VSX1: variants seen among roughly 807,000 people sequenced by gnomAD.
VSX1 encodes the protein homeodomain protein RINX.
VSX1 carries 23 observed loss-of-function variants against 23.6 expected under a neutral mutation model. The ratio of observed to expected loss-of-function variants is 0.97; its 90% CI spans 0.70 to 1.38. The LOEUF is 1.38. Ranked by LOEUF, VSX1 falls within the 40% of genes most tolerant of loss-of-function variation. The probability of loss-of-function intolerance (pLI) is 0.00; values close to 1 mark genes in which losing one functional copy is unlikely to be tolerated. For synonymous variants in VSX1, 247 were observed against 215.1 expected (o/e 1.15, Z -1.30); for missense variants, 517 against 495.4 (o/e 1.04, Z -0.41).
At chr20:25,077,979 A>T in intron 3 of VSX1, 114 bp from the exon 4 acceptor site, 1 of 1,367,888 alleles carries the variant, frequency 7.3e-7, no homozygotes, top group Non-Finnish European at 1.0e-6. Flanking sequence ...GCATGATCCC[A>T]TGCTATTTCT....
downstream of VSX1, chr20:25,072,550 G>T (rs1416022094): frequency 2.1e-6 from 1 of 470,972 alleles, no homozygotes; most frequent in Non-Finnish European, 4.4e-6. Context: ...TTCTTTAAGG[G>T]TGTTTTCCCG....
At chr20:25,078,637 A>C in intron 3 of VSX1, 192 bp downstream of exon 3, 1 of 1,523,940 alleles carries the variant, frequency 6.6e-7, no homozygotes, top group Middle Eastern at 1.9e-4. Context: ...GATACTAAAT[A>C]ATAATAAAAT....
downstream of VSX1, among the ~76,000 whole-genome samples, chr20:25,073,950 G>A (rs960796701): frequency 3.9e-5 from 6 of 152,160 alleles, no homozygotes; most frequent in Non-Finnish European, 8.8e-5. Context: ...CTCTTAGGGC[G>A]ACGTTTTGCT....
At chr20:25,078,679 T>C (rs1193743783) in intron 3 of VSX1, 150 bp downstream of exon 3, 31 of 1,603,868 alleles carry the variant, frequency 1.9e-5, no homozygotes, top group Non-Finnish European at 2.5e-5. Context: ...AGGGGCAAGC[T>C]CTTGTGGTGC....
intron 2 of VSX1, 38 bp from the exon 3 acceptor site, chr20:25,078,990 C>T (rs2089577765): frequency 1.9e-6 from 3 of 1,612,342 alleles, no homozygotes; most frequent in East Asian, 4.5e-5. Flanking sequence ...GGCACATGTC[C>T]CCTGGGGACA....
At chr20:25,081,138 A>G (rs1326651935) in intron 1 of VSX1, among the ~76,000 whole-genome samples, 1 of 152,244 alleles carries the variant, frequency 6.6e-6, no homozygotes, top group Non-Finnish European at 1.5e-5. Context: ...CTGCGCCGGC[A>G]GAGGAGCGCG....
At chr20:25,079,348 C>A in intron 2 of VSX1, 88 bp downstream of exon 2, 1 of 1,360,206 alleles carries the variant, frequency 7.4e-7, no homozygotes, top group Non-Finnish European at 1.0e-6. Flanking sequence ...GCTATCATGC[C>A]GGGCCATAAA....
chr20:25,071,681 A>T (rs2089382291), downstream of VSX1: 2 of 628,488 alleles, frequency 3.2e-6, no homozygotes, highest in Non-Finnish European at 2.9e-6. Context: ...AGCTGTCATG[A>T]CTGCAGGTTT....
intron 1 of VSX1, 99 bp downstream of exon 1, chr20:25,081,574 C>G: frequency 1.3e-6 from 2 of 1,539,570 alleles, no homozygotes; most frequent in Non-Finnish European, 1.8e-6. Context: ...AGATCTGGGC[C>G]GCTGGGGCCA....
At chr20:25,077,603 G>A (rs2089527962) in intron 4 of VSX1, 82 bp downstream of exon 4, 5 of 1,498,368 alleles carry the variant, frequency 3.3e-6, no homozygotes, top group Non-Finnish European at 2.7e-6. Context: ...CTTTGGAAAT[G>A]GCTGCCTCGG....
chr20:25,078,756 A>T, intron 3 of VSX1, 73 bp downstream of exon 3: 2 of 1,614,080 alleles, frequency 1.2e-6, no homozygotes, highest in Non-Finnish European at 1.7e-6. Flanking sequence ...GGGACTGCTG[A>T]TTGGCTCACT....
intron 1 of VSX1, among the ~76,000 whole-genome samples, chr20:25,080,580 T>C (rs1482694024): frequency 6.6e-6 from 1 of 152,272 alleles, no homozygotes; most frequent in Non-Finnish European, 1.5e-5. Context: ...AATGTGACTG[T>C]GAGAAATTTC....
At chr20:25,076,744 A>T (rs1233901891) in intron 4 of VSX1, among the ~76,000 whole-genome samples, 194 bp from the exon 5 acceptor site, 1 of 152,188 alleles carries the variant, frequency 6.6e-6, no homozygotes, top group Non-Finnish European at 1.5e-5. Flanking sequence ...ACCCCGGGTC[A>T]CATCCAGCAA....
intron 4 of VSX1, among the ~76,000 whole-genome samples, chr20:25,076,951 C>T (rs933657375): frequency 6.6e-6 from 1 of 152,218 alleles, no homozygotes; most frequent in Non-Finnish European, 1.5e-5. Flanking sequence ...TTGGAACCTC[C>T]AGTGCCCAGG....
At chr20:25,081,148 G>A (rs2089631334) in intron 1 of VSX1, among the ~76,000 whole-genome samples, 1 of 152,200 alleles carries the variant, frequency 6.6e-6, no homozygotes, top group Non-Finnish European at 1.5e-5. Context: ...AGAGGAGCGC[G>A]GTACCCGGGA....
chr20:25,079,483 G>C lies in VSX1; in HGVS notation c.456C>G (p.Asp152Glu). 1 of 1,612,932 alleles carries C rather than the reference G, an allele frequency of 6.2e-7. No individual in the cohort carries two copies. Among genetic ancestry groups the C allele is most frequent in the Non-Finnish European group, 8.5e-7 (1 of 1,179,692 alleles). The change falls in exon 2 of 5, where the codon GAC becomes GAG. Residue 152 changes from aspartate (D) to glutamate (E), a missense_variant. Transcript: ENST00000376709. Reference protein sequence around the residue: ...DEDSQSEDRNDLKASPTLGKR... With the variant: ...DEDSQSEDRNELKASPTLGKR... ...TGCCCAAGGTGGGGGATGCCTTTAG[G>C]TCATTCCTGTCTTCAGACTGGCTGT... is the stretch of plus-strand genomic sequence containing the variant.
In VSX1 at chr20:25,081,785, C is replaced by T. The variant is rs761479018; in HGVS notation, c.312G>A (p.Ala104=). 2.0e-6 allele frequency: 3 copies of T among 1,502,464 alleles called. No homozygotes were observed. Among genetic ancestry groups the T allele is most frequent in the South Asian group, 1.2e-5 (1 of 80,198 alleles). The allele number at this position is 1,502,464 out of a possible 1,614,324, so 93.1% of individuals were successfully genotyped here. Residue 104 remains alanine, a synonymous_variant, in exon 1 of 5, where the codon GCG becomes GCA. Coordinates refer to ENST00000376709, the MANE Select transcript of VSX1 (RefSeq NM_014588.6). ...CCCTGGGCGGCAGGAACGGCACGTC[C>T]GCTAGGAGCAGGCAGGGTGCTCGAG... ...AAARAPCLLL[A]DVPFLPPRGP...
downstream of VSX1, among the ~76,000 whole-genome samples, chr20:25,074,068 C>G (rs552907173): frequency 2.6e-5 from 4 of 152,178 alleles, no homozygotes; most frequent in African/African-American, 9.7e-5. Flanking sequence ...TAATGATAAA[C>G]TTTCTCGTTT....
At position 25,076,197 on chromosome 20, in the gene VSX1, C is replaced by A. The variant is rs908641940; in HGVS notation, c.*64G>T. On this transcript the variant is annotated 3_prime_UTR_variant, in exon 5 of 5. Coordinates refer to ENST00000376709, the MANE Select transcript of VSX1 (RefSeq NM_014588.6). ...AGTATATGTCTTGGACAATTTTTGTCTTTTGGAAAATGCCAGTGAGGAATA... is the reference window on the plus strand; with the variant it reads ...AGTATATGTCTTGGACAATTTTTGTATTTTGGAAAATGCCAGTGAGGAATA... 77 of 1,609,324 alleles carry A rather than the reference C, an allele frequency of 4.8e-5. No individual in the cohort carries two copies. Among genetic ancestry groups the A allele is most frequent in the Non-Finnish European group, 5.9e-5 (70 of 1,178,066 alleles).
Sources: gnomAD v4.1 joint callset for allele counts (sites outside exome capture counted in the v4.1 genomes callset) on GRCh38, gnomAD v4.1.1 for gene constraint, MANE v1.5 for transcripts, NCBI Gene and HGNC (gene_info 2026-07-23, HGNC 2026-07-21) for gene names.